The following MEI1 variants were observed in gnomAD, a reference collection of about 807,000 sequenced individuals.
MEI1 encodes the protein meiosis inhibitor protein 1.
In MEI1, 103 loss-of-function variants were observed where a neutral mutation model predicts 146.2. The observed-to-expected ratio is 0.70, with a 90% CI of 0.60 to 0.83. MEI1 has a LOEUF of 0.83. Among genes scored for constraint, MEI1 ranks in the 40% least tolerant of loss-of-function variants. The pLI is 0.00. For missense variants in MEI1, 1,529 were observed against 1,533.0 expected (o/e 1.00, Z 0.04); for synonymous variants, 652 against 628.2 (o/e 1.04, Z -0.57).
chr22:41,724,004 A>G lies in MEI1; in HGVS notation c.795A>G (p.Gly265=). ...TGTCCATGATCATGAACCAGGATGG[A>G]CTGGGAGAAAGTGCTAAGAATATCG... ...LFVSMIMNQD[G]LGESAKNIEG... Residue 265 remains glycine (G), a synonymous_variant, in exon 7 of 31, where the codon GGA becomes GGG. Transcript: ENST00000401548. The G allele has an allele frequency of 1.9e-6, 3 of 1,613,418 alleles. No individual in the cohort carries two copies. Among genetic ancestry groups the G allele is most frequent in the Non-Finnish European group, 2.5e-6 (3 of 1,179,690 alleles).
intron 3 of MEI1, among the ~76,000 whole-genome samples, chr22:41,709,880 C>T (rs1005699616): frequency 1.3e-5 from 2 of 152,088 alleles, no homozygotes; most frequent in Admixed American, 1.3e-4. Context: ...TGTGTGACCT[C>T]TCATGGAAGC....
chr22:41,748,222 G>A lies in MEI1; in HGVS notation c.1792+4G>A. 16 of 1,595,798 alleles carry A rather than the reference G, an allele frequency of 1.0e-5. No homozygotes were observed. Among genetic ancestry groups the A allele is most frequent in the Non-Finnish European group, 1.4e-5 (16 of 1,163,424 alleles). On this transcript the variant is annotated splice_donor_region_variant and intron_variant, in intron 15 of 30. Transcript: ENST00000401548. ...GAGAAGTTTTCCAAGAAGCTTGGTA[G>A]GCAGCAGGCAAATGTGGAGGTTGGG...
chr22:41,770,204 G>A (rs1319766292), intron 19 of MEI1, among the ~76,000 whole-genome samples: 1 of 151,864 alleles, frequency 6.6e-6, no homozygotes, highest in Non-Finnish European at 1.5e-5. Context: ...TATGCTAAGT[G>A]CACAGATTAA....
At chr22:41,772,234 A>AT (rs978041296) in intron 20 of MEI1, among the ~76,000 whole-genome samples, 14 of 151,822 alleles carry the variant, frequency 9.2e-5, no homozygotes, top group African/African-American at 3.1e-4. Context: ...ATTTATTTTT[A>AT]TTTTTTTTCT....
At chr22:41,776,436 G>A (rs933023376) in intron 21 of MEI1, among the ~76,000 whole-genome samples, 169 bp downstream of exon 21, 1 of 152,248 alleles carries the variant, frequency 6.6e-6, no homozygotes, top group Non-Finnish European at 1.5e-5. Context: ...TCTCACTGCA[G>A]AGTGGGCGTA....
intron 3 of MEI1, among the ~76,000 whole-genome samples, chr22:41,707,821 G>T (rs1333930751): frequency 6.6e-6 from 1 of 152,166 alleles, no homozygotes; most frequent in Non-Finnish European, 1.5e-5. Flanking sequence ...GCTTAATGAG[G>T]TTCAGCTAGC....
At chr22:41,712,671 GATGT>G (rs998696059) in intron 3 of MEI1, among the ~76,000 whole-genome samples, 11 of 56,260 alleles carry the variant, frequency 2.0e-4, no homozygotes, top group African/African-American at 7.5e-4. Context: ...AATAGAAATA[GATGT>G]GTGTGTGTGT....
chr22:41,792,089 A>T (rs1050673392), intron 26 of MEI1, among the ~76,000 whole-genome samples: 9 of 152,208 alleles, frequency 5.9e-5, no homozygotes, highest in Admixed American at 1.3e-4. Flanking sequence ...ATATAATTTT[A>T]AAAAACTACT....
At chr22:41,769,585 GC>G (rs1169750741) in intron 19 of MEI1, among the ~76,000 whole-genome samples, 3 of 151,598 alleles carry the variant, frequency 2.0e-5, no homozygotes, top group African/African-American at 7.3e-5. Flanking sequence ...TGAGTCTCCT[GC>G]CTCAGCCTCC....
At position 41,763,273 on chromosome 22, in the gene MEI1, C is replaced by T; in HGVS notation, c.2220C>T (p.Ser740=). Residue 740 remains serine (S), a synonymous_variant, in exon 19 of 31, where the codon TCC becomes TCT. Coordinates refer to ENST00000401548, the MANE Select transcript of MEI1 (RefSeq NM_152513.4). ...ERPPLVVFKA[S]IYLLAICQDK... is the part of the protein sequence containing the mutation. ...CCCCACTGGTGGTCTTCAAAGCCTC[C>T]ATCTATCTGCTTGCAATCTGCCAGG... is the stretch of plus-strand genomic sequence containing the variant. The T allele has an allele frequency of 1.2e-6, 2 of 1,613,948 alleles. No individual in the cohort carries two copies. The highest frequency in any genetic ancestry group is 1.6e-4 in the Middle Eastern group (1 of 6,062).
At chr22:41,721,418 G>C (rs894721953) in intron 6 of MEI1, among the ~76,000 whole-genome samples, 1 of 147,294 alleles carries the variant, frequency 6.8e-6, no homozygotes, top group African/African-American at 2.5e-5. Flanking sequence ...CTATTTTTTT[G>C]TATTTTTAGT....
intron 19 of MEI1, among the ~76,000 whole-genome samples, chr22:41,764,648 G>A (rs754270472): frequency 6.6e-6 from 1 of 152,184 alleles, no homozygotes; most frequent in Non-Finnish European, 1.5e-5. Flanking sequence ...ATCAGACGTG[G>A]TCCTTGATTC....
At chr22:41,713,775 TCA>T (rs2069833452) in intron 3 of MEI1, among the ~76,000 whole-genome samples, 1 of 152,172 alleles carries the variant, frequency 6.6e-6, no homozygotes, top group East Asian at 1.9e-4. Context: ...CTCAAATTCC[TCA>T]CCTCAGGTGA....
intron 8 of MEI1, 95 bp from the exon 9 acceptor site, chr22:41,730,426 G>C: frequency 1.3e-6 from 1 of 777,394 alleles, no homozygotes. Flanking sequence ...AGTAGCAAGA[G>C]TAAGGTGCTG....
chr22:41,713,645 T>A (rs896611031), intron 3 of MEI1, among the ~76,000 whole-genome samples: 1 of 152,018 alleles, frequency 6.6e-6, no homozygotes, highest in African/African-American at 2.4e-5. Flanking sequence ...GCCTGCCGGG[T>A]TCAAGCAATT....
rs763267941 is a variant in MEI1, at chr22:41,748,151, C to A, written c.1725C>A (p.Phe575Leu). Residue 575 changes from phenylalanine to leucine, a missense_variant, in exon 15 of 31, where the codon TTC (phenylalanine) becomes TTA (leucine). By Grantham distance (22) the Phe-to-Leu change is conservative (BLOSUM62 0). This residue lies in a region of MEI1 where 1,212 missense variants were observed against 1,178.9 expected (regional missense o/e 1.03). Coordinates refer to ENST00000401548, the MANE Select transcript of MEI1 (RefSeq NM_152513.4). Reference sequence around the variant, plus strand: ...CCCACCCAGCTTTGATGGAAGTTTTCCTCTCAATTCTACATAACCTCTTTG... The same window carrying A: ...CCCACCCAGCTTTGATGGAAGTTTTACTCTCAATTCTACATAACCTCTTTG... ...QTTHPALMEV[F>L]LSILHNLFVI... 4.3e-6 allele frequency: 7 copies of A among 1,613,944 alleles called. No individual in the cohort carries two copies. In the Admixed American group the frequency reaches 1.0e-4, roughly 23 times the overall value.
chr22:41,716,207 T>C lies in MEI1; in HGVS notation c.529+61T>C, dbSNP rs1199777870. On this transcript the variant is annotated intron_variant, in intron 5 of 30. Transcript: ENST00000401548. ...TTACCTGCTTTTATCATACTGCCAT[T>C]TGGGTGTCCCATTCACTCTGTACAC... 11 of 1,178,876 alleles carry C rather than the reference T, an allele frequency of 9.3e-6. No individual in the cohort carries two copies. In the South Asian group the frequency reaches 1.2e-4, roughly 13 times the overall value. The allele number at this position is 1,178,876 out of a possible 1,614,324, so 73.0% of individuals were successfully genotyped here.
chr22:41,700,079 GCTCCCGCCATTTCAGC>G (rs371356258), intron 1 of MEI1, among the ~76,000 whole-genome samples: 2,150 of 152,302 alleles, frequency 0.014, 45 homozygotes, highest in African/African-American at 0.048. Flanking sequence ...CTTAGCTCAG[GCTCCCGCCATTTCAGC>G]CTCCCGCCAT....
Position 41,776,252 on chromosome 22 carries a change from G to A in MEI1, c.2695G>A (p.Ala899Thr), listed in dbSNP as rs1283446342. The A allele has an allele frequency of 3.1e-6, 5 of 1,613,630 alleles. No homozygotes were observed. The highest frequency in any genetic ancestry group is 1.3e-5 in the African/African-American group (1 of 75,028). Reference sequence around the variant, plus strand: ...GCAGCGTCTGCTAGTGGAGCATGGGGCATCCCCATCAGGAGGTCAGTCTGC... The same window carrying A: ...GCAGCGTCTGCTAGTGGAGCATGGGACATCCCCATCAGGAGGTCAGTCTGC... ...ILQRLLVEHG[A>T]SPSGASGNLP... The change falls in exon 21 of 31, where the codon GCA becomes ACA. Residue 899 changes from alanine to threonine, a missense_variant. By Grantham distance (58) the Ala-to-Thr change is moderately conservative. Around this residue, in one of 3 missense-constraint regions of MEI1, gnomAD observed 1,212 missense variants for 1,178.9 expected, o/e 1.03. Transcript: ENST00000401548.
Sources: gnomAD v4.1 joint callset for allele counts (sites outside exome capture counted in the v4.1 genomes callset) on GRCh38, gnomAD v4.1.1 for gene constraint, gnomAD v4.1.1 regional missense constraint, MANE v1.5 for transcripts, NCBI Gene and HGNC (gene_info 2026-07-23, HGNC 2026-07-21) for gene names.